DCLK2: variants seen among roughly 807,000 people sequenced by gnomAD.
DCLK2 encodes the protein doublecortin like kinase 2.
A neutral mutation model predicts 78.4 loss-of-function variants in DCLK2; 31 were observed. The ratio of observed to expected loss-of-function variants is 0.40; its 90% CI spans 0.30 to 0.53. The LOEUF is 0.53. Ranked by LOEUF, DCLK2 falls within the 20% of genes least tolerant of loss-of-function variation. DCLK2 has a pLI of 0.61. For missense variants in DCLK2, 872 were observed against 973.7 expected (o/e 0.90, Z 1.39); for synonymous variants, 407 against 374.9 (o/e 1.09, Z -0.99).
At chr4:150,144,439 G>C (rs1272595295) in intron 2 of DCLK2, among the ~76,000 whole-genome samples, 2 of 152,118 alleles carry the variant, frequency 1.3e-5, no homozygotes, top group East Asian at 1.9e-4. Context: ...ATTGATCCGT[G>C]TGCATATTTT....
intron 2 of DCLK2, among the ~76,000 whole-genome samples, chr4:150,138,297 A>G (rs1222767219): frequency 6.6e-6 from 1 of 152,214 alleles, no homozygotes; most frequent in Non-Finnish European, 1.5e-5. Context: ...TCTATGCTTC[A>G]GTTCCTCCAT....
chr4:150,095,073 T>C (rs570108171), intron 1 of DCLK2, among the ~76,000 whole-genome samples: 2 of 152,342 alleles, frequency 1.3e-5, no homozygotes, highest in Admixed American at 1.3e-4. Flanking sequence ...GTAAGCTCAG[T>C]ACAAAAAGAG....
At chr4:150,151,327 A>C (rs1227536332) in intron 2 of DCLK2, among the ~76,000 whole-genome samples, 1 of 152,168 alleles carries the variant, frequency 6.6e-6, no homozygotes, top group African/African-American at 2.4e-5. Flanking sequence ...CATCCTAGTC[A>C]GTTTATCTAA....
At chr4:150,219,676 A>C (rs529635943) in intron 5 of DCLK2, among the ~76,000 whole-genome samples, 31 of 152,360 alleles carry the variant, frequency 2.0e-4, no homozygotes, top group African/African-American at 7.5e-4. Context: ...TACAGGGATA[A>C]GCTAATTTTT....
At chr4:150,172,828 A>G (rs985270175) in intron 2 of DCLK2, among the ~76,000 whole-genome samples, 1 of 150,254 alleles carries the variant, frequency 6.7e-6, no homozygotes, top group Non-Finnish European at 1.5e-5. Context: ...TGCTAGATCC[A>G]AGGGTGTTCA....
chr4:150,231,382 A>T (rs1742044199), intron 8 of DCLK2, among the ~76,000 whole-genome samples: 1 of 152,224 alleles, frequency 6.6e-6, no homozygotes. Context: ...AACACAACCT[A>T]CCATGTGCAG....
intron 5 of DCLK2, among the ~76,000 whole-genome samples, chr4:150,217,358 C>T (rs1045604275): frequency 2.0e-5 from 3 of 152,210 alleles, no homozygotes; most frequent in Non-Finnish European, 2.9e-5. Flanking sequence ...AGAGATCTTA[C>T]TGAATACTCA....
intron 2 of DCLK2, among the ~76,000 whole-genome samples, chr4:150,109,426 C>T (rs926098866): frequency 6.6e-6 from 1 of 151,874 alleles, no homozygotes; most frequent in African/African-American, 2.4e-5. Context: ...TCTCTGCCTC[C>T]CTGGTTCAAG....
In DCLK2 at chr4:150,078,536, G is replaced by A. The variant is rs1255908620; in HGVS notation, c.-492G>A. 6.6e-6 allele frequency: 1 copy of A among 150,868 alleles called. No individual in the cohort carries two copies. The highest frequency in any genetic ancestry group is 2.4e-5 in the African/African-American group (1 of 41,252). 9.3% of individuals were successfully genotyped at this position (150,868 alleles called of 1,614,324 possible). On this transcript the variant is annotated 5_prime_UTR_variant, in exon 1 of 16. Transcript: ENST00000296550. The stretch of plus-strand genomic sequence containing the variant: ...GCGGCGGCGCTGCACCCCGGGCCTG[G>A]GCCCGCGCGACTCCCCCGGGGGCCT...
intron 5 of DCLK2, among the ~76,000 whole-genome samples, chr4:150,220,009 T>G (rs76433552): frequency 0.021 from 3,133 of 152,248 alleles, 111 homozygotes; most frequent in African/African-American, 0.071. Flanking sequence ...TGGGAGAGAC[T>G]GAGAGTGACT....
chr4:150,225,274 A>G (rs1741513893), intron 8 of DCLK2, among the ~76,000 whole-genome samples: 1 of 152,262 alleles, frequency 6.6e-6, no homozygotes, highest in African/African-American at 2.4e-5. Flanking sequence ...AGTTTGGAAC[A>G]GAAGCTGATG....
intron 2 of DCLK2, among the ~76,000 whole-genome samples, chr4:150,144,093 G>T (rs1734292006): frequency 6.6e-6 from 1 of 152,056 alleles, no homozygotes. Context: ...TGCTTTTGGG[G>T]TGTTCGTCAT....
At chr4:150,111,284 T>C (rs566555111) in intron 2 of DCLK2, among the ~76,000 whole-genome samples, 101 of 152,294 alleles carry the variant, frequency 6.6e-4, no homozygotes, top group African/African-American at 2.4e-3. Context: ...TTTGTATATC[T>C]CTTTTAAAAA....
chr4:150,213,617 A>T (rs1219908786), intron 5 of DCLK2, among the ~76,000 whole-genome samples: 9 of 152,316 alleles, frequency 5.9e-5, no homozygotes, highest in East Asian at 3.9e-4. Context: ...TTAAAAAAAA[A>T]TTCAGTAAAC....
At chr4:150,157,752 A>T (rs1039175089) in intron 2 of DCLK2, among the ~76,000 whole-genome samples, 1 of 152,094 alleles carries the variant, frequency 6.6e-6, no homozygotes. Context: ...ACCTCAAGTG[A>T]TCCGCCTGCC....
chr4:150,116,626 A>G (rs1732113791), intron 2 of DCLK2, among the ~76,000 whole-genome samples: 1 of 152,224 alleles, frequency 6.6e-6, no homozygotes, highest in Non-Finnish European at 1.5e-5. Context: ...TCGCAGCAGC[A>G]GGTACCAGCA....
intron 12 of DCLK2, among the ~76,000 whole-genome samples, chr4:150,244,286 A>G (rs1484902066): frequency 6.6e-6 from 1 of 152,130 alleles, no homozygotes; most frequent in Non-Finnish European, 1.5e-5. Flanking sequence ...CGAGAAGTAG[A>G]TTGGTTTTTC....
intron 1 of DCLK2, among the ~76,000 whole-genome samples, chr4:150,091,313 A>C (rs941889210): frequency 6.6e-6 from 1 of 152,082 alleles, no homozygotes; most frequent in Non-Finnish European, 1.5e-5. Flanking sequence ...GTTTTTCTTA[A>C]TTTCCGAAGT....
intron 2 of DCLK2, among the ~76,000 whole-genome samples, chr4:150,184,064 A>C (rs749658866): frequency 1.1e-4 from 17 of 152,176 alleles, no homozygotes; most frequent in Non-Finnish European, 2.5e-4. Flanking sequence ...TGCATTCAAC[A>C]GAAATGTATT....
Sources: allele counts gnomAD v4.1 joint callset (sites outside exome capture counted in the v4.1 genomes callset), GRCh38; gene constraint gnomAD v4.1.1; transcripts MANE v1.5; gene names NCBI Gene and HGNC (gene_info 2026-07-23, HGNC 2026-07-21).